The following MYO5A variants were observed in gnomAD, a reference collection of about 807,000 sequenced individuals.
MYO5A encodes myosin VA, also known as unconventional myosin-Va.
Under a neutral mutation model 249.7 loss-of-function variants are expected in MYO5A, and 98 were observed. The observed-to-expected ratio is 0.39, with a 90% CI of 0.33 to 0.46. The LOEUF (loss-of-function observed/expected upper bound fraction) is 0.46, where lower values mean the gene tolerates loss of function less well. MYO5A is among the 20% of genes least tolerant of loss of function. The pLI, the probability that MYO5A is intolerant of heterozygous loss-of-function variation, is 0.98. For missense variants in MYO5A, 1,696 were observed against 2,308.8 expected, an observed-to-expected ratio of 0.73 and a Z score of 5.44; for synonymous variants, 778 against 810.6, an observed-to-expected ratio of 0.96 and a Z score of 0.68.
chr15:52,410,519 A>C (rs1045130982), intron 5 of MYO5A, 43 bp from the exon 6 acceptor site: 1 of 1,549,992 alleles, frequency 6.5e-7, no homozygotes, highest in East Asian at 2.2e-5. Flanking sequence ...AGTGTAATTC[A>C]TAACATGACA....
chr15:52,348,935 TA>T, intron 28 of MYO5A, 109 bp from the exon 29 acceptor site: 2 of 1,188,718 alleles, frequency 1.7e-6, no homozygotes, highest in Non-Finnish European at 1.2e-6. Flanking sequence ...AAAGCTAATT[TA>T]AAAACAGCCA....
At chr15:52,462,148 C>T (rs570246962) in intron 1 of MYO5A, among the ~76,000 whole-genome samples, 3 of 151,840 alleles carry the variant, frequency 2.0e-5, no homozygotes, top group Admixed American at 6.6e-5. Flanking sequence ...CGCCTGTAGT[C>T]CCAGCTACTC....
chr15:52,325,158 T>C (rs1218535820), intron 36 of MYO5A, among the ~76,000 whole-genome samples: 1 of 152,128 alleles, frequency 6.6e-6, no homozygotes, highest in South Asian at 2.1e-4. Flanking sequence ...TGAATGCAGA[T>C]TGGGAAACTG....
At chr15:52,354,111 T>G in intron 25 of MYO5A, 97 bp from the exon 26 acceptor site, 1 of 1,402,704 alleles carries the variant, frequency 7.1e-7, no homozygotes, top group East Asian at 2.3e-5. Context: ...ATAGGCAAAC[T>G]TACAGAATAA....
intron 1 of MYO5A, among the ~76,000 whole-genome samples, chr15:52,454,569 C>A (rs967252261): frequency 6.6e-6 from 1 of 152,092 alleles, no homozygotes; most frequent in African/African-American, 2.4e-5. Flanking sequence ...TTCATCAGCA[C>A]ATGAAATATT....
chr15:52,435,440 C>A (rs1306352298), intron 1 of MYO5A, among the ~76,000 whole-genome samples: 2 of 151,974 alleles, frequency 1.3e-5, no homozygotes, highest in Non-Finnish European at 2.9e-5. Context: ...CCACACCCAG[C>A]TAATTTTTTT....
chr15:52,442,914 C>T (rs888738487), intron 1 of MYO5A, among the ~76,000 whole-genome samples: 1 of 152,120 alleles, frequency 6.6e-6, no homozygotes, highest in Non-Finnish European at 1.5e-5. Flanking sequence ...GTGCATGCCA[C>T]CAATCCTGGC....
intron 1 of MYO5A, among the ~76,000 whole-genome samples, chr15:52,527,796 T>C (rs1734743026): frequency 6.6e-6 from 1 of 152,206 alleles, no homozygotes; most frequent in Non-Finnish European, 1.5e-5. Context: ...AAACAATGAT[T>C]CCAGTGATTA....
intron 1 of MYO5A, among the ~76,000 whole-genome samples, chr15:52,484,769 G>A (rs1567169830): frequency 1.3e-5 from 2 of 152,100 alleles, no homozygotes; most frequent in African/African-American, 2.4e-5. Flanking sequence ...CTTAGTCTCC[G>A]AGTAGCTGGG....
intron 31 of MYO5A, among the ~76,000 whole-genome samples, chr15:52,342,400 C>T (rs2039420078): frequency 6.6e-6 from 1 of 152,264 alleles, no homozygotes; most frequent in East Asian, 1.9e-4. Flanking sequence ...GCCATAGACA[C>T]ATATATCCTG....
chr15:52,389,172 C>T, intron 13 of MYO5A, 66 bp downstream of exon 13: 6 of 1,526,894 alleles, frequency 3.9e-6, no homozygotes, highest in Non-Finnish European at 5.4e-6. Context: ...AAAGATACCT[C>T]CTGACTATTG....
At chr15:52,377,948 T>C (rs910991738) in intron 18 of MYO5A, among the ~76,000 whole-genome samples, 2 of 152,198 alleles carry the variant, frequency 1.3e-5, no homozygotes, top group Non-Finnish European at 2.9e-5. Flanking sequence ...ATCTCATATA[T>C]GAAACCAAAA....
At chr15:52,400,771 T>C (rs925799507) in intron 9 of MYO5A, among the ~76,000 whole-genome samples, 1 of 152,216 alleles carries the variant, frequency 6.6e-6, no homozygotes, top group Non-Finnish European at 1.5e-5. Flanking sequence ...GTACTATCAA[T>C]TGTGATCACT....
At chr15:52,527,161 A>G (rs776711834) in intron 1 of MYO5A, among the ~76,000 whole-genome samples, 1 of 152,310 alleles carries the variant, frequency 6.6e-6, no homozygotes, top group East Asian at 1.9e-4. Context: ...AGTGGAGGGG[A>G]TGGGCTACAC....
At chr15:52,485,158 A>G (rs2141509840) in intron 1 of MYO5A, among the ~76,000 whole-genome samples, 1 of 152,006 alleles carries the variant, frequency 6.6e-6, no homozygotes, top group Middle Eastern at 3.4e-3. Context: ...TTTCTAAACA[A>G]TTTTCAACTA....
At chr15:52,333,334 A>T (rs571062295) in intron 34 of MYO5A, among the ~76,000 whole-genome samples, 20 of 152,318 alleles carry the variant, frequency 1.3e-4, no homozygotes, top group African/African-American at 2.6e-4. Flanking sequence ...GGAAAGTTTT[A>T]AAAAAATTTA....
intron 1 of MYO5A, among the ~76,000 whole-genome samples, chr15:52,523,446 CA>C (rs142133370): frequency 0.049 from 7,467 of 152,272 alleles, 251 homozygotes; most frequent in South Asian, 0.14. Context: ...ATTCATTCAA[CA>C]AATATTCAAT....
intron 38 of MYO5A, among the ~76,000 whole-genome samples, chr15:52,320,496 T>G (rs1315189101): frequency 2.0e-5 from 3 of 152,080 alleles, no homozygotes; most frequent in Non-Finnish European, 4.4e-5. Flanking sequence ...CCTCCTAAAT[T>G]TTTGCCAACC....
intron 4 of MYO5A, among the ~76,000 whole-genome samples, chr15:52,417,833 C>T (rs1053513937): frequency 1.3e-5 from 2 of 152,200 alleles, no homozygotes; most frequent in Non-Finnish European, 2.9e-5. Flanking sequence ...GCCTCCAGAA[C>T]AGTGAGTCAA....
Sources: gnomAD v4.1 joint callset for allele counts (sites outside exome capture counted in the v4.1 genomes callset) on GRCh38, gnomAD v4.1.1 for gene constraint, MANE v1.5 for transcripts, NCBI Gene and HGNC (gene_info 2026-07-23, HGNC 2026-07-21) for gene names.